The following SPATA21 variants were observed in gnomAD, a reference collection of about 807,000 sequenced individuals.
SPATA21 encodes spermatogenesis associated 21, also known as spermatogenesis-associated protein 21.
SPATA21 carries 47 observed loss-of-function variants against 54.8 expected under a neutral mutation model. The observed-to-expected ratio is 0.86, with a 90% CI of 0.68 to 1.09. The LOEUF (loss-of-function observed/expected upper bound fraction) is 1.09, where lower values mean the gene tolerates loss of function less well. SPATA21 is among the 50% of genes least tolerant of loss of function. The probability of loss-of-function intolerance (pLI) is 0.00; values close to 1 mark genes in which losing one functional copy is unlikely to be tolerated. For missense variants in SPATA21, 599 were observed against 596.4 expected, an observed-to-expected ratio of 1.00 and a Z score of -0.05; for synonymous variants, 245 against 235.3, an observed-to-expected ratio of 1.04 and a Z score of -0.38.
At chr1:16,427,128 T>C (rs1358951963) in intron 3 of SPATA21, among the ~76,000 whole-genome samples, 1 of 152,152 alleles carries the variant, frequency 6.6e-6, no homozygotes, top group Non-Finnish European at 1.5e-5. Context: ...TATTTCCTCA[T>C]GGCCTATTTC....
intron 1 of SPATA21, among the ~76,000 whole-genome samples, chr1:16,435,754 T>C (rs2086571428): frequency 6.6e-6 from 1 of 152,086 alleles, no homozygotes; most frequent in Admixed American, 6.6e-5. Context: ...ATGCTGGGAT[T>C]ACATGCATGA....
At chr1:16,425,238 T>C in intron 3 of SPATA21, 1 of 585,058 alleles carries the variant, frequency 1.7e-6, no homozygotes, top group Non-Finnish European at 3.2e-6. Flanking sequence ...ATGCTTGTGA[T>C]GTAGGCTGGG....
chr1:16,402,961 A>G (rs1398961184), intron 10 of SPATA21, among the ~76,000 whole-genome samples: 1 of 152,192 alleles, frequency 6.6e-6, no homozygotes, highest in East Asian at 1.9e-4. Context: ...AGCAACAAGC[A>G]TTAAAATATG....
At chr1:16,405,229 C>T (rs751770531) in intron 7 of SPATA21, 125 bp from the exon 8 acceptor site, 40 of 1,338,408 alleles carry the variant, frequency 3.0e-5, no homozygotes, top group South Asian at 4.5e-5. Context: ...TTGCTGGGTG[C>T]GTTGGCTCAC....
chr1:16,416,120 G>C (rs2100841274), intron 5 of SPATA21, among the ~76,000 whole-genome samples: 1 of 152,326 alleles, frequency 6.6e-6, no homozygotes, highest in South Asian at 2.1e-4. Context: ...CCCTGTGACT[G>C]TCACACCCAT....
chr1:16,418,427 A>G (rs934766331), intron 5 of SPATA21, among the ~76,000 whole-genome samples: 1 of 151,972 alleles, frequency 6.6e-6, no homozygotes, highest in Non-Finnish European at 1.5e-5. Flanking sequence ...GCCCGCCACC[A>G]TGCCCAGCTA....
chr1:16,399,869 G>C (rs1042778589), intron 11 of SPATA21, among the ~76,000 whole-genome samples: 1 of 152,152 alleles, frequency 6.6e-6, no homozygotes, highest in Non-Finnish European at 1.5e-5. Context: ...CTGTTACTTG[G>C]CACATAGTAG....
At chr1:16,434,941 T>C (rs2086549258) in intron 1 of SPATA21, among the ~76,000 whole-genome samples, 1 of 152,100 alleles carries the variant, frequency 6.6e-6, no homozygotes, top group African/African-American at 2.4e-5. Flanking sequence ...CACTGCAACC[T>C]CCAACTCTGG....
At position 16,408,404 on chromosome 1, in the gene SPATA21, C is replaced by T. The variant is rs1337932163; in HGVS notation, c.673+714G>A. On this transcript the variant is annotated intron_variant, in intron 7 of 12. Coordinates refer to ENST00000335496, the MANE Select transcript of SPATA21 (RefSeq NM_198546.1). ...ATGGTGAGGGACCATCTAGGATGGGCAGGGTTCCTGGGGCCCTGTCTCCCA... is the reference window on the plus strand; with the variant it reads ...ATGGTGAGGGACCATCTAGGATGGGTAGGGTTCCTGGGGCCCTGTCTCCCA... 3 of 934,104 alleles carry T rather than the reference C, an allele frequency of 3.2e-6. No individual in the cohort carries two copies. In the African/African-American group the frequency reaches 5.3e-5, roughly 17 times the overall value. 57.9% of individuals were successfully genotyped at this position (934,104 alleles called of 1,614,324 possible). A position where few individuals can be genotyped will look rare whatever the true frequency, so the allele number is the denominator to read the frequency against.
At chr1:16,427,865 C>A (rs983278411) in intron 3 of SPATA21, 11 of 1,547,450 alleles carry the variant, frequency 7.1e-6, no homozygotes, top group Non-Finnish European at 8.7e-6. Context: ...TCAGCTCACC[C>A]TGGTCTTGCT....
At chr1:16,424,407 TTTTA>T (rs1333929563) in intron 3 of SPATA21, among the ~76,000 whole-genome samples, 1 of 151,062 alleles carries the variant, frequency 6.6e-6, no homozygotes, top group Non-Finnish European at 1.5e-5. Flanking sequence ...TTTTAAAATT[TTTTA>T]TTTATTTTTT....
Position 16,400,795 on chromosome 1 carries a change from G to A in SPATA21, c.1099C>T (p.Gln367Ter). 6 of 1,612,018 alleles carry A rather than the reference G, an allele frequency of 3.7e-6. No homozygotes were observed. The highest frequency in any genetic ancestry group is 4.2e-6 in the Non-Finnish European group (5 of 1,179,474). Residue 367 changes from glutamine (Q) to a stop codon, truncating the protein, a stop_gained, in exon 11 of 13, where the codon CAG (glutamine) becomes TAG (stop). Coordinates refer to ENST00000335496, the MANE Select transcript of SPATA21 (RefSeq NM_198546.1). LOFTEE classifies it high-confidence loss of function. ...GGAACTTCTGAGCTCTCTTCTTGCTGGGGGTTGTAGGGAAGCTTCTGCAAC... is the reference window on the plus strand; with the variant it reads ...GGAACTTCTGAGCTCTCTTCTTGCTAGGGGTTGTAGGGAAGCTTCTGCAAC... ...LRLQKLPYNP[Q>*]QEESSEVPER...
At chr1:16,411,803 A>G (rs1309935302) in intron 5 of SPATA21, among the ~76,000 whole-genome samples, 9 of 135,660 alleles carry the variant, frequency 6.6e-5, no homozygotes, top group African/African-American at 2.5e-4. Context: ...AAAAAAAAAA[A>G]AAAAACAAAA....
chr1:16,395,763 T>G (rs2085300379), downstream of SPATA21: 1 of 155,830 alleles, frequency 6.4e-6, no homozygotes, highest in South Asian at 1.9e-4. Context: ...CTAGAAACAT[T>G]AACCAATAGG....
At chr1:16,413,865 G>A (rs1196905882) in intron 5 of SPATA21, among the ~76,000 whole-genome samples, 4 of 151,850 alleles carry the variant, frequency 2.6e-5, no homozygotes, top group African/African-American at 9.7e-5. Context: ...TGCCTGCCTC[G>A]GCCTCCCAAA....
At chr1:16,415,233 G>A (rs999182320) in intron 5 of SPATA21, among the ~76,000 whole-genome samples, 6 of 152,174 alleles carry the variant, frequency 3.9e-5, no homozygotes, top group Admixed American at 2.6e-4. Context: ...GCTACTTGAA[G>A]GGGCTAAGGT....
chr1:16,422,266 G>A (rs762777659), intron 3 of SPATA21: 324 of 1,329,492 alleles, frequency 2.4e-4, no homozygotes, highest in Middle Eastern at 1.7e-3. Context: ...TGCTCCAGGC[G>A]AACTGGAGAC....
Position 16,428,955 on chromosome 1 carries a change from G to A in SPATA21, c.34+2383C>T, listed in dbSNP as rs531787905. Among the ~76,000 whole-genome samples, 1 of 152,250 alleles carries A rather than the reference G, an allele frequency of 6.6e-6. No individual in the cohort carries two copies. The highest frequency in any genetic ancestry group is 2.1e-4 in the South Asian group (1 of 4,826). ...GACAGGCCCAACATCACACAGCTGG[G>A]TAAGTGGTGGGACTGGGACCCCATG... On this transcript the variant is annotated intron_variant, in intron 3 of 12. Transcript: ENST00000335496. This position sits in a 1 kb window ranked among gnomAD's most constrained non-coding sequence, Gnocchi z 4.3.
At chr1:16,402,622 TC>T (rs1304325924) in intron 10 of SPATA21, among the ~76,000 whole-genome samples, 1 of 42,920 alleles carries the variant, frequency 2.3e-5, no homozygotes, top group African/African-American at 5.8e-5. Context: ...AGTGGTGCCA[TC>T]ATGGCTCACT....
Sources: allele counts gnomAD v4.1 joint callset (sites outside exome capture counted in the v4.1 genomes callset), GRCh38; gene constraint gnomAD v4.1.1; non-coding constraint Gnocchi (gnomAD v3.1); transcripts MANE v1.5; gene names NCBI Gene and HGNC (gene_info 2026-07-23, HGNC 2026-07-21).